TCF25: variants seen among roughly 807,000 people sequenced by gnomAD.
TCF25 encodes ribosome quality control complex subunit TCF25.
TCF25 carries 41 observed loss-of-function variants against 83.1 expected under a neutral mutation model. The ratio of observed to expected loss-of-function variants is 0.49; its 90% confidence interval spans 0.38 to 0.64. The LOEUF (loss-of-function observed/expected upper bound fraction) is 0.64. TCF25 is among the 30% of genes least tolerant of loss of function. The probability of loss-of-function intolerance (pLI) is 0.00; values close to 1 mark genes in which losing one functional copy is unlikely to be tolerated. For synonymous variants in TCF25, 458 were observed against 365.0 expected, an observed-to-expected ratio of 1.25 and a Z score of -2.90; for missense variants, 979 against 914.5, an observed-to-expected ratio of 1.07 and a Z score of -0.91.
intron 12 of TCF25, chr16:89,901,093 G>A: frequency 3.6e-6 from 1 of 277,720 alleles, no homozygotes; most frequent in Non-Finnish European, 7.0e-6. Flanking sequence ...GATTGTACCA[G>A]TGCTGGGGAG....
At chr16:89,873,957 A>T in intron 1 of TCF25, 98 bp downstream of exon 1, 157 of 1,027,164 alleles carry the variant, frequency 1.5e-4, no homozygotes, top group East Asian at 5.8e-4. Context: ...TTGTGATGCC[A>T]GGGGTGGGAA....
At chr16:89,903,679 C>T (rs1473215614) in intron 12 of TCF25, among the ~76,000 whole-genome samples, 1 of 152,062 alleles carries the variant, frequency 6.6e-6, no homozygotes, top group African/African-American at 2.4e-5. Context: ...TGGTAGTGTG[C>T]GCCTGTGATC....
rs747511649 is a variant in TCF25, at chr16:89,911,275, G to A, written c.*37G>A. 2 of 1,603,788 alleles carry A rather than the reference G, an allele frequency of 1.2e-6. No homozygotes were observed. Among genetic ancestry groups the A allele is most frequent in the South Asian group, 1.1e-5 (1 of 90,922 alleles). Reference sequence around the variant, plus strand: ...GGTGACCGAAAAGCCGTATGATGATGTTCCCGATTTCTCTGTTGGTCGGAG... The same window carrying A: ...GGTGACCGAAAAGCCGTATGATGATATTCCCGATTTCTCTGTTGGTCGGAG... On this transcript the variant is annotated 3_prime_UTR_variant, in exon 18 of 18. Coordinates refer to ENST00000263346, the MANE Select transcript of TCF25 (RefSeq NM_014972.3).
In TCF25 at chr16:89,905,048, T is replaced by G. The variant is rs747120004; in HGVS notation, c.1580T>G (p.Leu527Arg). Reference sequence around the variant, plus strand: ...CTGGAGGAGAACGTCCACGAGGTTCTGCAAGCAGTGGACGCCGGGGACCCA... The same window carrying G: ...CTGGAGGAGAACGTCCACGAGGTTCGGCAAGCAGTGGACGCCGGGGACCCA... ...SWLEENVHEV[L>R]QAVDAGDPAV... Residue 527 changes from leucine to arginine, a missense_variant, in exon 14 of 18, where the codon CTG becomes CGG. Coordinates refer to ENST00000263346, the MANE Select transcript of TCF25 (RefSeq NM_014972.3). 1.7e-5 allele frequency: 28 copies of G among 1,603,582 alleles called. No homozygotes were observed. Among genetic ancestry groups the G allele is most frequent in the African/African-American group, 5.4e-5 (4 of 74,766 alleles).
chr16:89,896,439 G>C (rs1445088280), intron 9 of TCF25, among the ~76,000 whole-genome samples: 1 of 152,052 alleles, frequency 6.6e-6, no homozygotes, highest in African/African-American at 2.4e-5. Flanking sequence ...TGGGCACAGT[G>C]GTTCACGCCT....
intron 5 of TCF25, among the ~76,000 whole-genome samples, chr16:89,888,665 T>G (rs1392147234): frequency 1.3e-5 from 2 of 150,782 alleles, no homozygotes; most frequent in African/African-American, 4.9e-5. Context: ...ATAAGTTTCT[T>G]TCTCTCTTTC....
At chr16:89,906,123 G>A (rs553248557) in intron 14 of TCF25, 71 bp from the exon 15 acceptor site, 4 of 1,374,382 alleles carry the variant, frequency 2.9e-6, no homozygotes, top group Non-Finnish European at 3.0e-6. Flanking sequence ...GGTGGGGGCC[G>A]AGGCTCCATG....
intron 9 of TCF25, 114 bp downstream of exon 9, chr16:89,896,197 A>G (rs2043835847): frequency 3.3e-6 from 3 of 899,862 alleles, no homozygotes; most frequent in Non-Finnish European, 5.2e-6. Context: ...ACCAGGGCCC[A>G]CAGGTCCAGA....
At chr16:89,902,914 C>T (rs577067766) in intron 12 of TCF25, among the ~76,000 whole-genome samples, 1 of 152,200 alleles carries the variant, frequency 6.6e-6, no homozygotes, top group Non-Finnish European at 1.5e-5. Context: ...CTGTCTGGGC[C>T]CCGAGGAGGC....
Position 89,883,716 on chromosome 16 carries a change from T to C in TCF25, c.354+204T>C, listed in dbSNP as rs1038597846. ...GAAGGTCGCAGGCCTTTCTCCTGCATCTCAGGAGAGTCTGCGCCTGCCCAG... is the reference window on the plus strand; with the variant it reads ...GAAGGTCGCAGGCCTTTCTCCTGCACCTCAGGAGAGTCTGCGCCTGCCCAG... On this transcript the variant is annotated intron_variant, in intron 2 of 17. Coordinates refer to ENST00000263346, the MANE Select transcript of TCF25 (RefSeq NM_014972.3). The C allele has an allele frequency of 8.3e-6, 5 of 599,366 alleles. No individual in the cohort carries two copies. The African/African-American group carries it at 9.3e-5, about 11-fold the overall frequency. The allele number at this position is 599,366 out of a possible 1,614,324, so 37.1% of individuals were successfully genotyped here.
intron 1 of TCF25, chr16:89,878,577 G>T (rs1349630040): frequency 8.5e-7 from 1 of 1,172,064 alleles, no homozygotes; most frequent in Non-Finnish European, 1.1e-6. Flanking sequence ...AGAACCTTGT[G>T]AAATGTTCCC....
chr16:89,878,368 C>T lies in TCF25; in HGVS notation c.192+4509C>T, dbSNP rs551661141. 16 of 1,143,006 alleles carry T rather than the reference C, an allele frequency of 1.4e-5. No homozygotes were observed. In the East Asian group the frequency reaches 6.6e-4, roughly 47 times the overall value. 70.8% of individuals were successfully genotyped at this position (1,143,006 alleles called of 1,614,324 possible). A position where few individuals can be genotyped will look rare whatever the true frequency, so the allele number is the denominator to read the frequency against. ...TGGGAGGCCAAGGCGGGTGGACCAC[C>T]TGAGGTCAGGAGTTCGAGACCAGCC... On this transcript the variant is annotated intron_variant, in intron 1 of 17. Transcript: ENST00000263346.
At chr16:89,906,876 C>G (rs1184889900) in intron 15 of TCF25, among the ~76,000 whole-genome samples, 2 of 152,082 alleles carry the variant, frequency 1.3e-5, no homozygotes, top group Admixed American at 6.5e-5. Flanking sequence ...CTGTGCAACC[C>G]GAGGGCAGCT....
intron 1 of TCF25, among the ~76,000 whole-genome samples, 193 bp from the exon 2 acceptor site, chr16:89,883,158 A>G (rs1334538478): frequency 4.0e-5 from 6 of 151,604 alleles, no homozygotes; most frequent in African/African-American, 1.5e-4. Context: ...GCTGCTGACA[A>G]AGTCCCCCTG....
At chr16:89,909,054 C>T (rs2144338930) in intron 16 of TCF25, 2 of 1,289,542 alleles carry the variant, frequency 1.6e-6, no homozygotes, top group South Asian at 1.2e-5. Context: ...ACCGAATGTA[C>T]AAGCGCTTGC....
At chr16:89,883,600 G>A in intron 2 of TCF25, 88 bp downstream of exon 2, 1 of 1,431,168 alleles carries the variant, frequency 7.0e-7, no homozygotes, top group Non-Finnish European at 9.3e-7. Flanking sequence ...GATTTTCCTT[G>A]GAGGTGTAAT....
chr16:89,888,340 C>A (rs1431097026), intron 5 of TCF25, among the ~76,000 whole-genome samples: 2 of 152,104 alleles, frequency 1.3e-5, no homozygotes, highest in South Asian at 2.1e-4. Flanking sequence ...GTAATCCCAG[C>A]ACTTTGGGAG....
At chr16:89,898,195 C>G (rs940406988) in intron 9 of TCF25, among the ~76,000 whole-genome samples, 2 of 152,254 alleles carry the variant, frequency 1.3e-5, no homozygotes, top group East Asian at 3.8e-4. Flanking sequence ...GAGCGCACAC[C>G]TCCTCTCCAG....
At chr16:89,878,583 T>A in intron 1 of TCF25, 1 of 1,171,200 alleles carries the variant, frequency 8.5e-7, no homozygotes, top group Non-Finnish European at 1.1e-6. Flanking sequence ...TTGTGAAATG[T>A]TCCCCATTTG....
Sources: allele counts gnomAD v4.1 joint callset (sites outside exome capture counted in the v4.1 genomes callset), GRCh38; gene constraint gnomAD v4.1.1; transcripts MANE v1.5; gene names NCBI Gene and HGNC (gene_info 2026-07-23, HGNC 2026-07-21).